The following PABPC4L variants were observed in gnomAD, a reference collection of about 807,000 sequenced individuals.
PABPC4L encodes the protein poly(A) binding protein cytoplasmic 4 like, also known as polyadenylate-binding protein 4-like.
For missense variants in PABPC4L, 452 were observed against 451.4 expected (o/e 1.00, Z -0.01); for synonymous variants, 169 against 164.1 (o/e 1.03, Z -0.23).
At chr4:133,969,320 A>G in the PABPC4L span, among the ~76,000 whole-genome samples, 1 of 152,182 alleles carries the variant, frequency 6.6e-6, no homozygotes, top group Non-Finnish European at 1.5e-5. Context: ...AGAAATTATA[A>G]AATCATACCC....
chr4:134,153,584 C>G, the PABPC4L span, among the ~76,000 whole-genome samples: 2 of 151,978 alleles, frequency 1.3e-5, no homozygotes, highest in African/African-American at 2.4e-5. Flanking sequence ...CTTTTGGATA[C>G]TTTTCCTCCC....
chr4:133,997,361 C>T, the PABPC4L span, among the ~76,000 whole-genome samples: 2 of 152,136 alleles, frequency 1.3e-5, no homozygotes, highest in African/African-American at 4.8e-5. Flanking sequence ...AATATTACCT[C>T]TCATTTACAA....
chr4:134,190,500 T>G, the PABPC4L span, among the ~76,000 whole-genome samples: 10 of 152,082 alleles, frequency 6.6e-5, no homozygotes, highest in Non-Finnish European at 7.4e-5. Context: ...TTCCCCAATT[T>G]CTGGAGATGA....
chr4:134,098,256 T>C, the PABPC4L span, among the ~76,000 whole-genome samples: 1 of 151,744 alleles, frequency 6.6e-6, no homozygotes, highest in Non-Finnish European at 1.5e-5. Flanking sequence ...TATAGTGTAA[T>C]ATTTATTACA....
chr4:134,159,850 A>G, the PABPC4L span, among the ~76,000 whole-genome samples: 1 of 152,178 alleles, frequency 6.6e-6, no homozygotes, highest in Admixed American at 6.5e-5. Flanking sequence ...CAATTGCAGG[A>G]TGAGCAGCTC....
At chr4:134,173,546 C>T in the PABPC4L span, among the ~76,000 whole-genome samples, 2 of 151,820 alleles carry the variant, frequency 1.3e-5, no homozygotes, top group Admixed American at 1.3e-4. Flanking sequence ...TGATGGTTAC[C>T]AGAGGCTGGG....
At chr4:134,179,954 T>A in the PABPC4L span, among the ~76,000 whole-genome samples, 1 of 151,792 alleles carries the variant, frequency 6.6e-6, no homozygotes, top group Non-Finnish European at 1.5e-5. Flanking sequence ...TTTAACACAT[T>A]ATTGACAGGA....
the PABPC4L span, among the ~76,000 whole-genome samples, chr4:134,070,089 G>A: frequency 2.0e-5 from 3 of 151,308 alleles, no homozygotes; most frequent in Admixed American, 6.6e-5. Context: ...TTTTTAGGGG[G>A]CCAAGGCTCA....
chr4:133,986,762 G>C, the PABPC4L span, among the ~76,000 whole-genome samples: 1 of 150,216 alleles, frequency 6.7e-6, no homozygotes, highest in East Asian at 1.9e-4. Context: ...TTGAGAGGGA[G>C]TCTTACTCTG....
the PABPC4L span, among the ~76,000 whole-genome samples, chr4:133,978,239 C>G: frequency 6.6e-6 from 1 of 152,028 alleles, no homozygotes; most frequent in Admixed American, 6.6e-5. Context: ...GTTGCTCCAC[C>G]CCATCTGGAC....
At chr4:134,077,177 A>T in the PABPC4L span, among the ~76,000 whole-genome samples, 1 of 152,168 alleles carries the variant, frequency 6.6e-6, no homozygotes. Flanking sequence ...CATGGATTGA[A>T]TTAAGTTTCT....
In PABPC4L at chr4:134,200,700, T is replaced by C. The variant is rs1160108827; in HGVS notation, c.320A>G (p.Lys107Arg). Residue 107 changes from lysine to arginine, a missense_variant, in exon 2 of 2, where the codon AAA (lysine) becomes AGA (arginine). Transcript: ENST00000421491. ...ATAAAGGGTTTTGTTATCGATAGATTTGTCCAGATTCTTGATGAATACGTT... is the reference window on the plus strand; with the variant it reads ...ATAAAGGGTTTTGTTATCGATAGATCTGTCCAGATTCTTGATGAATACGTT... ...IGNVFIKNLD[K>R]SIDNKTLYEH... 2.6e-6 allele frequency: 4 copies of C among 1,551,524 alleles called. No homozygotes were observed. The African/African-American group carries it at 4.1e-5, about 16-fold the overall frequency.
At chr4:134,071,432 C>A in the PABPC4L span, among the ~76,000 whole-genome samples, 1 of 152,096 alleles carries the variant, frequency 6.6e-6, no homozygotes, top group African/African-American at 2.4e-5. Flanking sequence ...TGCTAATTGG[C>A]CCTAGAACCG....
chr4:134,192,857 A>C (rs2126194359), downstream of PABPC4L, among the ~76,000 whole-genome samples: 1 of 152,218 alleles, frequency 6.6e-6, no homozygotes, highest in Non-Finnish European at 1.5e-5. Context: ...TTTATATTTG[A>C]ATAAGTGAGA....
At chr4:134,184,499 T>G in the PABPC4L span, among the ~76,000 whole-genome samples, 1 of 152,072 alleles carries the variant, frequency 6.6e-6, no homozygotes, top group Non-Finnish European at 1.5e-5. Context: ...ATACTGTACA[T>G]AGCCATTTCA....
At chr4:134,008,974 A>G in the PABPC4L span, among the ~76,000 whole-genome samples, 1 of 151,872 alleles carries the variant, frequency 6.6e-6, no homozygotes, top group Non-Finnish European at 1.5e-5. Flanking sequence ...TGGTAAACAT[A>G]GAGATATAAA....
chr4:133,981,083 C>T, the PABPC4L span, among the ~76,000 whole-genome samples: 5 of 151,838 alleles, frequency 3.3e-5, no homozygotes, highest in Non-Finnish European at 5.9e-5. Flanking sequence ...ATTGCTTGAG[C>T]GTGGGAGGCT....
At chr4:133,960,723 G>A in the PABPC4L span, among the ~76,000 whole-genome samples, 5 of 152,138 alleles carry the variant, frequency 3.3e-5, no homozygotes, top group Non-Finnish European at 7.3e-5. Context: ...GCTGTTAGGG[G>A]GAGCATGATG....
At chr4:134,126,992 G>A in the PABPC4L span, among the ~76,000 whole-genome samples, 569 of 152,166 alleles carry the variant, frequency 3.7e-3, 2 homozygotes, top group African/African-American at 0.013. Context: ...CGCAGGGTGA[G>A]GTCTGTGGCT....
Sources: allele counts gnomAD v4.1 joint callset (sites outside exome capture counted in the v4.1 genomes callset), GRCh38; gene constraint gnomAD v4.1.1; transcripts MANE v1.5; gene names NCBI Gene and HGNC (gene_info 2026-07-23, HGNC 2026-07-21).